STK39: variants seen among roughly 807,000 people sequenced by gnomAD.
The protein encoded by STK39 is STE20/SPS1-related proline-alanine-rich protein kinase.
Under a neutral mutation model 77.8 loss-of-function variants are expected in STK39, and 20 were observed. The observed-to-expected ratio is 0.26, with a 90% CI of 0.18 to 0.37. STK39 has a LOEUF of 0.37. STK39 is among the 10% of genes least tolerant of loss of function. The pLI, the probability that STK39 is intolerant of heterozygous loss-of-function variation, is 1.00. For missense variants in STK39, 479 were observed against 656.5 expected, an observed-to-expected ratio of 0.73 and a Z score of 2.95; for synonymous variants, 246 against 234.1, an observed-to-expected ratio of 1.05 and a Z score of -0.47.
chr2:167,974,729 A>G (rs542845770), intron 16 of STK39, among the ~76,000 whole-genome samples: 1 of 152,344 alleles, frequency 6.6e-6, no homozygotes, highest in East Asian at 1.9e-4. Flanking sequence ...AAACTTCACA[A>G]GCATGCAAAA....
At position 167,983,705 on chromosome 2, in the gene STK39, G is replaced by A. The variant is rs570398719; in HGVS notation, c.1499-18979C>T. ...TCTGCAATGTGTCTCTCTGACACTG[G>A]ACGCTGGGAATGCAGCACTCTCTGT... On this transcript the variant is annotated intron_variant, in intron 16 of 17. Coordinates refer to ENST00000355999, the MANE Select transcript of STK39 (RefSeq NM_013233.3). 2.0e-5 allele frequency among the ~76,000 whole-genome samples: 3 copies of A among 152,178 alleles called. No individual in the cohort carries two copies. In the South Asian group the frequency reaches 6.2e-4, roughly 32 times the overall value.
chr2:168,123,097 G>C (rs1232807198), intron 10 of STK39, among the ~76,000 whole-genome samples: 5 of 152,158 alleles, frequency 3.3e-5, no homozygotes, highest in Non-Finnish European at 7.3e-5. Context: ...GTCTATCAAA[G>C]AGTGCATAAA....
intron 10 of STK39, among the ~76,000 whole-genome samples, chr2:168,104,172 G>C (rs1482472095): frequency 6.6e-6 from 1 of 152,190 alleles, no homozygotes; most frequent in Non-Finnish European, 1.5e-5. Context: ...GATGTGTAAT[G>C]AAACACTAAG....
intron 1 of STK39, among the ~76,000 whole-genome samples, chr2:168,243,273 T>A (rs1379886327): frequency 6.6e-6 from 1 of 152,226 alleles, no homozygotes; most frequent in African/African-American, 2.4e-5. Context: ...CCAGGGCTAT[T>A]TACAATCTCA....
At chr2:167,975,824 A>G (rs749005118) in intron 16 of STK39, among the ~76,000 whole-genome samples, 1 of 152,168 alleles carries the variant, frequency 6.6e-6, no homozygotes, top group South Asian at 2.1e-4. Flanking sequence ...ATTCTCCATG[A>G]CCGCAGAAAG....
chr2:168,034,153 C>T (rs1553516266), intron 14 of STK39, among the ~76,000 whole-genome samples: 1 of 152,172 alleles, frequency 6.6e-6, no homozygotes, highest in Non-Finnish European at 1.5e-5. Context: ...GGGAGGCAGG[C>T]CCCTGCATGT....
intron 10 of STK39, among the ~76,000 whole-genome samples, chr2:168,091,657 T>C (rs1302993568): frequency 6.6e-6 from 1 of 152,314 alleles, no homozygotes; most frequent in Non-Finnish European, 1.5e-5. Context: ...AACTTTCTCT[T>C]CTTCTTGGCT....
chr2:168,214,128 A>G (rs1365890916), intron 1 of STK39, among the ~76,000 whole-genome samples: 1 of 152,124 alleles, frequency 6.6e-6, no homozygotes, highest in Non-Finnish European at 1.5e-5. Flanking sequence ...CTGTCATGCA[A>G]TCCCAGGCAA....
intron 12 of STK39, among the ~76,000 whole-genome samples, chr2:168,070,087 G>C (rs955362525): frequency 2.0e-5 from 3 of 152,038 alleles, no homozygotes; most frequent in Non-Finnish European, 2.9e-5. Flanking sequence ...ATCAATAATG[G>C]GATAACAGTT....
intron 4 of STK39, 138 bp from the exon 5 acceptor site, chr2:168,161,980 C>T (rs1233496022): frequency 1.5e-5 from 9 of 612,448 alleles, no homozygotes; most frequent in Non-Finnish European, 2.4e-5. Flanking sequence ...GATAATAGCA[C>T]AGATTTTAAA....
chr2:168,036,234 A>C (rs1460908871), intron 14 of STK39, among the ~76,000 whole-genome samples: 1 of 151,288 alleles, frequency 6.6e-6, no homozygotes, highest in Non-Finnish European at 1.5e-5. Context: ...AAAAAAAAAA[A>C]CTTGCTGGCC....
At chr2:168,190,652 T>C (rs971251937) in intron 1 of STK39, among the ~76,000 whole-genome samples, 4 of 152,000 alleles carry the variant, frequency 2.6e-5, no homozygotes, top group Non-Finnish European at 5.9e-5. Flanking sequence ...AACAACAACA[T>C]GAAGGACAGA....
chr2:168,177,963 A>C (rs899686373), intron 2 of STK39, among the ~76,000 whole-genome samples: 3 of 152,192 alleles, frequency 2.0e-5, no homozygotes, highest in Non-Finnish European at 2.9e-5. Context: ...AAATCTCACC[A>C]ACCCAAAACA....
intron 1 of STK39, among the ~76,000 whole-genome samples, chr2:168,228,472 A>G (rs1690364028): frequency 6.6e-6 from 1 of 152,092 alleles, no homozygotes; most frequent in African/African-American, 2.4e-5. Flanking sequence ...ATGACCTTAT[A>G]TTATTGTTTG....
rs143359971 is a variant in STK39, at chr2:168,182,446, C to T, written c.209-356G>A. Among the ~76,000 whole-genome samples, 15 of 152,252 alleles carry T rather than the reference C, an allele frequency of 9.9e-5. No individual in the cohort carries two copies. In the South Asian group the frequency reaches 1.2e-3, roughly 13 times the overall value. Reference sequence around the variant, plus strand: ...TTCTTCCACCTCAGCCCAAACCAAACCACTCTGGTCTAAGCTACTTCAAGG... The same window carrying T: ...TTCTTCCACCTCAGCCCAAACCAAATCACTCTGGTCTAAGCTACTTCAAGG... On this transcript the variant is annotated intron_variant, in intron 1 of 17. Transcript: ENST00000355999.
At chr2:168,188,337 G>A (rs1257760551) in intron 1 of STK39, among the ~76,000 whole-genome samples, 1 of 152,190 alleles carries the variant, frequency 6.6e-6, no homozygotes, top group Admixed American at 6.5e-5. Context: ...GTCACCATCT[G>A]AGATCGCTGA....
intron 16 of STK39, among the ~76,000 whole-genome samples, chr2:167,967,564 T>C (rs573746868): frequency 2.6e-5 from 4 of 152,324 alleles, no homozygotes; most frequent in Non-Finnish European, 2.9e-5. Context: ...ATGATAAGTA[T>C]TGTTCTTTAT....
chr2:168,086,095 T>C (rs1480280757), intron 10 of STK39, among the ~76,000 whole-genome samples: 1 of 152,152 alleles, frequency 6.6e-6, no homozygotes, highest in East Asian at 1.9e-4. Flanking sequence ...CTTCAGCCAT[T>C]TGGTCTAGGG....
intron 8 of STK39, among the ~76,000 whole-genome samples, chr2:168,132,263 G>C (rs968678659): frequency 1.3e-5 from 2 of 151,996 alleles, no homozygotes; most frequent in African/African-American, 4.8e-5. Flanking sequence ...TCAAGGCCCT[G>C]GTTCTGTTTG....
Sources: gnomAD v4.1 joint callset for allele counts (sites outside exome capture counted in the v4.1 genomes callset) on GRCh38, gnomAD v4.1.1 for gene constraint, MANE v1.5 for transcripts, NCBI Gene and HGNC (gene_info 2026-07-23, HGNC 2026-07-21) for gene names.